Variants in DACH2 observed in about 807,000 individuals in gnomAD.
The protein encoded by DACH2 is dachshund family transcription factor 2, also known as dachshund homolog 2.
Under a neutral mutation model 35.8 loss-of-function variants are expected in DACH2, and 17 were observed. The observed-to-expected ratio is 0.48, with a 90% CI of 0.33 to 0.71. The LOEUF (loss-of-function observed/expected upper bound fraction) is 0.71, where lower values mean the gene tolerates loss of function less well. DACH2 is among the 30% of genes least tolerant of loss of function. DACH2 has a pLI of 0.02. For missense variants in DACH2, 469 were observed against 472.7 expected, an observed-to-expected ratio of 0.99 and a Z score of 0.07; for synonymous variants, 195 against 177.3, an observed-to-expected ratio of 1.10 and a Z score of -0.79.
chrX:86,373,081 G>C (rs1413927376), intron 1 of DACH2, among the ~76,000 whole-genome samples: 3 of 110,929 alleles, frequency 2.7e-5, no homozygotes, highest in African/African-American at 9.8e-5. Flanking sequence ...CTGTTGCTAG[G>C]CACTTAGGTT....
At chrX:86,416,045 G>T (rs1475510190) in intron 2 of DACH2, among the ~76,000 whole-genome samples, 4 of 112,045 alleles carry the variant, frequency 3.6e-5, no homozygotes, top group African/African-American at 6.5e-5. Context: ...TATTGAGAAA[G>T]AGGTAGGGGA....
intron 3 of DACH2, among the ~76,000 whole-genome samples, chrX:86,549,034 A>G (rs1483204617): frequency 1.8e-5 from 2 of 111,770 alleles, no homozygotes; most frequent in Non-Finnish European, 3.8e-5. Flanking sequence ...GGAGGAGGGA[A>G]ATGGCAGTTG....
chrX:86,396,954 G>A (rs1290996866), intron 2 of DACH2, among the ~76,000 whole-genome samples: 2 of 110,921 alleles, frequency 1.8e-5, no homozygotes, highest in African/African-American at 3.3e-5. Context: ...GATGGGGATG[G>A]CATTGAATCT....
intron 3 of DACH2, among the ~76,000 whole-genome samples, chrX:86,600,754 C>T (rs1569450279): frequency 9.0e-6 from 1 of 111,680 alleles, no homozygotes; most frequent in Admixed American, 9.5e-5. Context: ...TTTTCCTAAG[C>T]TCTCCTGTAC....
chrX:86,294,659 G>T (rs1322295113), intron 1 of DACH2, among the ~76,000 whole-genome samples: 3 of 110,143 alleles, frequency 2.7e-5, no homozygotes, highest in Admixed American at 9.7e-5. Context: ...GCCCTCATCT[G>T]CAGGTCTGTT....
intron 2 of DACH2, among the ~76,000 whole-genome samples, chrX:86,445,578 AAAAG>A (rs1197125130): frequency 3.9e-5 from 4 of 102,843 alleles, no homozygotes; most frequent in African/African-American, 1.4e-4. Context: ...AAAAAAAAAA[AAAAG>A]AAATTTTTAA....
At chrX:86,741,359 A>G (rs1274266771) in intron 7 of DACH2, among the ~76,000 whole-genome samples, 1 of 111,319 alleles carries the variant, frequency 9.0e-6, no homozygotes, top group Non-Finnish European at 1.9e-5. Context: ...TCACCTATGG[A>G]GTTTTTACTA....
At chrX:86,655,014 A>G (rs750862508) in intron 4 of DACH2, among the ~76,000 whole-genome samples, 7 of 111,579 alleles carry the variant, frequency 6.3e-5, no homozygotes, top group African/African-American at 2.3e-4. Flanking sequence ...CCTTTGGGTC[A>G]CCTATCTCAC....
intron 2 of DACH2, among the ~76,000 whole-genome samples, chrX:86,412,112 C>T (rs2036624328): frequency 9.0e-6 from 1 of 111,532 alleles, no homozygotes; most frequent in African/African-American, 3.3e-5. Flanking sequence ...GCCTTCTTAG[C>T]CTGTTGACTT....
At chrX:86,653,090 C>T (rs943408819) in intron 4 of DACH2, among the ~76,000 whole-genome samples, 35 of 111,899 alleles carry the variant, frequency 3.1e-4, no homozygotes, top group African/African-American at 1.1e-3. Flanking sequence ...ATTTAATCCA[C>T]TTTGAGTTGA....
At chrX:86,346,100 GA>G (rs756474163) in intron 1 of DACH2, among the ~76,000 whole-genome samples, 30 of 111,293 alleles carry the variant, frequency 2.7e-4, no homozygotes, top group Non-Finnish European at 3.8e-4. Context: ...CAACATCAAA[GA>G]AGACATTCCT....
At chrX:86,483,400 A>C (rs902261651) in intron 2 of DACH2, among the ~76,000 whole-genome samples, 14 of 111,739 alleles carry the variant, frequency 1.3e-4, no homozygotes, top group Non-Finnish European at 1.7e-4. Context: ...TCTTATAAGC[A>C]AATCATTTTT....
At chrX:86,399,599 T>C (rs1213585357) in intron 2 of DACH2, among the ~76,000 whole-genome samples, 1 of 111,604 alleles carries the variant, frequency 9.0e-6, no homozygotes, top group Non-Finnish European at 1.9e-5. Flanking sequence ...CTCTCAGCAT[T>C]TGCTTGTCTG....
chrX:86,566,181 C>T (rs2039290511), intron 3 of DACH2, among the ~76,000 whole-genome samples: 1 of 111,654 alleles, frequency 9.0e-6, no homozygotes, highest in South Asian at 3.6e-4. Flanking sequence ...AAATAATAGA[C>T]TTTCTCAAAC....
chrX:86,330,039 A>T (rs183543097), intron 1 of DACH2, among the ~76,000 whole-genome samples: 2 of 111,949 alleles, frequency 1.8e-5, no homozygotes, highest in African/African-American at 6.5e-5. Flanking sequence ...AATAAGAGCA[A>T]CAAAATTGGA....
chrX:86,437,770 T>G (rs1022633860), intron 2 of DACH2, among the ~76,000 whole-genome samples: 1 of 111,220 alleles, frequency 9.0e-6, no homozygotes, highest in Admixed American at 9.6e-5. Context: ...GCTACACCGG[T>G]TTCTTTTCTT....
At chrX:86,287,219 G>A (rs1290119000) in intron 1 of DACH2, among the ~76,000 whole-genome samples, 2 of 111,509 alleles carry the variant, frequency 1.8e-5, no homozygotes, top group Non-Finnish European at 3.8e-5. Context: ...CTCTTTACTG[G>A]CCTGTGAGGT....
chrX:86,751,344 C>A (rs1424403457), intron 7 of DACH2, among the ~76,000 whole-genome samples: 1 of 110,651 alleles, frequency 9.0e-6, no homozygotes, highest in African/African-American at 3.3e-5. Context: ...AAATGTGTTT[C>A]ATCACATAAA....
chrX:86,794,329 C>T (rs1273919680), intron 7 of DACH2, among the ~76,000 whole-genome samples: 2 of 110,349 alleles, frequency 1.8e-5, no homozygotes, highest in African/African-American at 6.6e-5. Context: ...GTTTTAAGAC[C>T]ATTCTTTTAT....
Sources: allele counts gnomAD v4.1 joint callset (sites outside exome capture counted in the v4.1 genomes callset), GRCh38; gene constraint gnomAD v4.1.1; transcripts MANE v1.5; gene names NCBI Gene and HGNC (gene_info 2026-07-23, HGNC 2026-07-21).